The following SHISA2 variants were observed in gnomAD, a reference collection of about 807,000 sequenced individuals.
The protein encoded by SHISA2 is shisa family member 2.
In SHISA2, 16 loss-of-function variants were observed where a neutral mutation model predicts 23.8. The ratio of observed to expected loss-of-function variants is 0.67; its 90% CI spans 0.46 to 1.02. SHISA2 has a LOEUF of 1.02. SHISA2 is among the 50% of genes least tolerant of loss of function. The pLI is 0.00. For missense variants in SHISA2, 459 were observed against 420.1 expected, an observed-to-expected ratio of 1.09 and a Z score of -0.81; for synonymous variants, 201 against 178.6, an observed-to-expected ratio of 1.13 and a Z score of -1.00.
intron 1 of SHISA2, 30 bp downstream of exon 1, chr13:26,050,612 C>G: frequency 7.2e-7 from 1 of 1,383,532 alleles, no homozygotes; most frequent in Non-Finnish European, 9.3e-7. Flanking sequence ...CAACCGTCCT[C>G]CCTTTCGCGC....
Position 26,051,161 on chromosome 13 carries a change from G to A in SHISA2, c.-186C>T. On this transcript the variant is annotated 5_prime_UTR_variant, in exon 1 of 2. Coordinates refer to ENST00000319420, the MANE Select transcript of SHISA2 (RefSeq NM_001007538.2). ...GGGCCCTAGGTCCAGGAGCTCCTAA[G>A]CCATCCCCGTCCTCAGCCGGTGGCC... 1 of 546,180 alleles carries A rather than the reference G, an allele frequency of 1.8e-6. No individual in the cohort carries two copies. The highest frequency in any genetic ancestry group is 3.5e-5 in the East Asian group (1 of 28,780). The allele number at this position is 546,180 out of a possible 1,614,324, so 33.8% of individuals were successfully genotyped here. A position where few individuals can be genotyped will look rare whatever the true frequency, so the allele number is the denominator to read the frequency against.
chr13:26,047,153 A>G, intron 1 of SHISA2, 87 bp from the exon 2 acceptor site: 1 of 1,339,090 alleles, frequency 7.5e-7, no homozygotes, highest in Non-Finnish European at 9.9e-7. Flanking sequence ...TGAATGAATG[A>G]GCAACACTGA....
chr13:26,050,690 C>A lies in SHISA2; in HGVS notation c.286G>T (p.Ala96Ser). 6.8e-7 allele frequency: 1 copy of A among 1,469,370 alleles called. No homozygotes were observed. The highest frequency in any genetic ancestry group is 8.9e-7 in the Non-Finnish European group (1 of 1,118,150). 91.0% of individuals were successfully genotyped at this position (1,469,370 alleles called of 1,614,324 possible). ...GGCDNDRQQG[A>S]GEPGRADKDG... ...TTGTCCGCCCGGCCAGGCTCGCCAGCGCCCTGCTGGCGGTCATTGTCGCAG... is the reference window on the plus strand; with the variant it reads ...TTGTCCGCCCGGCCAGGCTCGCCAGAGCCCTGCTGGCGGTCATTGTCGCAG... Residue 96 changes from alanine to serine, a missense_variant, in exon 1 of 2, where the codon GCT becomes TCT. Ala to Ser is a moderately conservative substitution (Grantham distance 99). Transcript: ENST00000319420.
Position 26,051,166 on chromosome 13 carries a change from C to T in SHISA2, c.-191G>A, listed in dbSNP as rs1487138426. On this transcript the variant is annotated 5_prime_UTR_variant, in exon 1 of 2. Coordinates refer to ENST00000319420, the MANE Select transcript of SHISA2 (RefSeq NM_001007538.2). ...CTAGGTCCAGGAGCTCCTAAGCCAT[C>T]CCCGTCCTCAGCCGGTGGCCCGGTC... 1.9e-6 allele frequency: 1 copy of T among 540,404 alleles called. No individual in the cohort carries two copies. Among genetic ancestry groups the T allele is most frequent in the East Asian group, 3.5e-5 (1 of 28,742 alleles). The allele number at this position is 540,404 out of a possible 1,614,324, so 33.5% of individuals were successfully genotyped here.
At chr13:26,048,160 G>C (rs7990635) in intron 1 of SHISA2, among the ~76,000 whole-genome samples, 121,589 of 151,936 alleles carry the variant, frequency 0.8, 49,899 homozygotes, top group Middle Eastern at 0.93. Flanking sequence ...AAATTTAGCT[G>C]AGTGTGGTGA....
At position 26,050,963 on chromosome 13, in the gene SHISA2, G is replaced by T. The variant is rs955919841; in HGVS notation, c.13C>A (p.Arg5Ser). MWGA[R>S]RSSVSSSWNA... The stretch of plus-strand genomic sequence containing the variant: ...CAGGATGAGGAGACGGACGAGCGGC[G>T]AGCGCCCCACATGGCACCACCCTGG... Residue 5 changes from arginine (R) to serine (S), a missense_variant, in exon 1 of 2, where the codon CGC (arginine) becomes AGC (serine). Arg to Ser is a moderately radical substitution (Grantham distance 110). Transcript: ENST00000319420. The T allele has an allele frequency of 6.0e-6, 9 of 1,511,274 alleles. No individual in the cohort carries two copies. The highest frequency in any genetic ancestry group is 2.3e-4 in the Middle Eastern group (1 of 4,354). The allele number at this position is 1,511,274 out of a possible 1,614,324, so 93.6% of individuals were successfully genotyped here.
intron 1 of SHISA2, among the ~76,000 whole-genome samples, chr13:26,048,488 T>G (rs1957280440): frequency 6.6e-6 from 1 of 152,052 alleles, no homozygotes; most frequent in Admixed American, 6.6e-5. Context: ...GAGCCTGCAT[T>G]TTCTGATGTG....
Position 26,046,372 on chromosome 13 carries a change from G to T in SHISA2, c.*141C>A. 1 of 831,800 alleles carries T rather than the reference G, an allele frequency of 1.2e-6. No homozygotes were observed. The highest frequency in any genetic ancestry group is 1.9e-5 in the South Asian group (1 of 52,886). 51.5% of individuals were successfully genotyped at this position (831,800 alleles called of 1,614,324 possible). On this transcript the variant is annotated 3_prime_UTR_variant, in exon 2 of 2. Transcript: ENST00000319420. The stretch of plus-strand genomic sequence containing the variant: ...TATCCAGAAATGCTAATTCGGAGAT[G>T]TTTTCATACAGTCTGGGGGCAAATG...
At chr13:26,047,134 C>A in intron 1 of SHISA2, 68 bp from the exon 2 acceptor site, 1 of 1,435,208 alleles carries the variant, frequency 7.0e-7, no homozygotes, top group Non-Finnish European at 9.2e-7. Context: ...CGCCAACTGG[C>A]AATGGCAATG....
Position 26,050,996 on chromosome 13 carries a change from C to G in SHISA2, c.-21G>C. On this transcript the variant is annotated 5_prime_UTR_variant, in exon 1 of 2. Transcript: ENST00000319420. ...CACATGGCACCACCCTGGGCGCGGA[C>G]AGCGCGTCTCCAGAGAGCGCAGGAC... 6.7e-7 allele frequency: 1 copy of G among 1,483,652 alleles called. No homozygotes were observed. The highest frequency in any genetic ancestry group is 1.5e-5 in the African/African-American group (1 of 68,354). 91.9% of individuals were successfully genotyped at this position (1,483,652 alleles called of 1,614,324 possible).
At chr13:26,048,538 A>AT (rs1486255684) in intron 1 of SHISA2, among the ~76,000 whole-genome samples, 21 of 152,146 alleles carry the variant, frequency 1.4e-4, no homozygotes, top group Non-Finnish European at 2.2e-4. Flanking sequence ...TGGGAAATAC[A>AT]TAAGCACAGG....
At position 26,046,667 on chromosome 13, in the gene SHISA2, G is replaced by T; in HGVS notation, c.734C>A (p.Pro245His). ...IVPHQGQYLH[P>H]PYVGYTVQHD... ...CTGCACCGTGTACCCCACGTATGGG[G>T]GATGCAGATACTGCCCTTGATGTGG... Residue 245 changes from proline to histidine, a missense_variant, in exon 2 of 2, where the codon CCC becomes CAC. Pro to His is a moderately conservative substitution (Grantham distance 77). Transcript: ENST00000319420. The T allele has an allele frequency of 6.2e-7, 1 of 1,614,254 alleles. No homozygotes were observed. Among genetic ancestry groups the T allele is most frequent in the Non-Finnish European group, 8.5e-7 (1 of 1,180,046 alleles).
Position 26,046,433 on chromosome 13 carries a change from G to A in SHISA2, c.*80C>T, listed in dbSNP as rs867788076. The stretch of plus-strand genomic sequence containing the variant: ...AAGGAATCGTGCCATAAATACCACC[G>A]ACATGTGCGGACTTCCACCTCGAGA... On this transcript the variant is annotated 3_prime_UTR_variant, in exon 2 of 2. Transcript: ENST00000319420. 14 of 1,426,244 alleles carry A rather than the reference G, an allele frequency of 9.8e-6. No individual in the cohort carries two copies. The highest frequency in any genetic ancestry group is 8.5e-5 in the African/African-American group (6 of 70,410). The allele number at this position is 1,426,244 out of a possible 1,614,324, so 88.3% of individuals were successfully genotyped here.
At chr13:26,049,750 T>C (rs921149596) in intron 1 of SHISA2, among the ~76,000 whole-genome samples, 13 of 151,818 alleles carry the variant, frequency 8.6e-5, no homozygotes, top group African/African-American at 2.4e-4. Context: ...AGGCTCAGGA[T>C]GCTAGCGAAA....
intron 1 of SHISA2, 26 bp downstream of exon 1, chr13:26,050,616 T>G (rs949363511): frequency 2.9e-6 from 4 of 1,385,026 alleles, no homozygotes; most frequent in Non-Finnish European, 3.7e-6. Flanking sequence ...CGTCCTCCCT[T>G]TCGCGCTGGG....
rs147024292 is a variant in SHISA2, at chr13:26,051,687, C to T, written c.-712G>A. 7.1e-3 allele frequency among the ~76,000 whole-genome samples: 1,077 copies of T among 152,104 alleles called. 15 individuals are homozygous for T. The highest frequency in any genetic ancestry group is 0.025 in the African/African-American group (1,025 of 41,532). ...CTCCTGACCCCGGGAACGTCCAGGACGCAGGCGAGGGTCCTGCGCGCCCCC... is the reference window on the plus strand; with the variant it reads ...CTCCTGACCCCGGGAACGTCCAGGATGCAGGCGAGGGTCCTGCGCGCCCCC... On this transcript the variant is annotated 5_prime_UTR_variant, in exon 1 of 2. Transcript: ENST00000319420.
chr13:26,047,847 G>A (rs1957277635), intron 1 of SHISA2, among the ~76,000 whole-genome samples: 1 of 152,138 alleles, frequency 6.6e-6, no homozygotes, highest in Admixed American at 6.5e-5. Flanking sequence ...AGAAAGAAGA[G>A]TCACCCACAG....
Position 26,050,912 on chromosome 13 carries a change from G to A in SHISA2, c.64C>T (p.Leu22=), listed in dbSNP as rs1458080151. The A allele has an allele frequency of 1.3e-6, 2 of 1,519,454 alleles. No individual in the cohort carries two copies. Among genetic ancestry groups the A allele is most frequent in the South Asian group, 1.2e-5 (1 of 82,582 alleles). The allele number at this position is 1,519,454 out of a possible 1,614,324, so 94.1% of individuals were successfully genotyped here. ...SWNAASLLQL[L]LAALLAAGAR... is the part of the protein sequence containing the mutation. ...CCCGCCGCCAGCAGCGCAGCCAGCA[G>A]CAGCTGCAGGAGCGAAGCGGCGTTC... Residue 22 remains leucine (L), a synonymous_variant, in exon 1 of 2, where the codon CTG becomes TTG. Coordinates refer to ENST00000319420, the MANE Select transcript of SHISA2 (RefSeq NM_001007538.2).
In SHISA2 at chr13:26,047,829, C is replaced by T. The variant is rs1342630467; in HGVS notation, c.335-763G>A. Among the ~76,000 whole-genome samples the T allele has an allele frequency of 3.3e-5, 5 of 152,122 alleles. No individual in the cohort carries two copies. The South Asian group carries it at 6.2e-4, about 19-fold the overall frequency. On this transcript the variant is annotated intron_variant, in intron 1 of 1. Transcript: ENST00000319420. ...AGAGCAAACATCAGGAGCAACAAGA[C>T]GTGTTCCAGAAAGAAGAGTCACCCA...
Sources: allele counts gnomAD v4.1 joint callset (sites outside exome capture counted in the v4.1 genomes callset), GRCh38; gene constraint gnomAD v4.1.1; transcripts MANE v1.5; gene names NCBI Gene and HGNC (gene_info 2026-07-23, HGNC 2026-07-21).